The following PCSK2 variants were observed in gnomAD, a reference collection of about 807,000 sequenced individuals.
PCSK2 encodes proprotein convertase subtilisin/kexin type 2.
A neutral mutation model predicts 69.7 loss-of-function variants in PCSK2; 14 were observed. The observed-to-expected ratio is 0.20, with a 90% CI of 0.13 to 0.31. The LOEUF is 0.31. Among genes scored for constraint, PCSK2 ranks in the 10% least tolerant of loss-of-function variants. The pLI is 1.00. For missense variants in PCSK2, 544 were observed against 842.5 expected (o/e 0.65, Z 4.39); for synonymous variants, 307 against 320.7 (o/e 0.96, Z 0.46).
At chr20:17,404,062 C>T (rs73898504) in intron 5 of PCSK2, among the ~76,000 whole-genome samples, 5,165 of 152,234 alleles carry the variant, frequency 0.034, 308 homozygotes, top group African/African-American at 0.12. Flanking sequence ...TCTGGGCTGA[C>T]CAATTCTTTT....
intron 5 of PCSK2, among the ~76,000 whole-genome samples, chr20:17,385,183 A>T (rs964691699): frequency 1.3e-5 from 2 of 152,162 alleles, no homozygotes; most frequent in African/African-American, 4.8e-5. Flanking sequence ...TTACTATTTG[A>T]TCCTTTAAGA....
intron 7 of PCSK2, among the ~76,000 whole-genome samples, chr20:17,436,012 C>T (rs984328600): frequency 2.0e-5 from 3 of 152,188 alleles, no homozygotes; most frequent in Non-Finnish European, 4.4e-5. Flanking sequence ...GGACTTTGCT[C>T]CTTCCCAACA....
chr20:17,429,335 G>A lies in PCSK2; in HGVS notation c.621-100G>A, dbSNP rs911347000. The A allele has an allele frequency of 3.4e-5, 28 of 825,832 alleles. No homozygotes were observed. In the East Asian group the frequency reaches 4.6e-4, roughly 14 times the overall value. The allele number at this position is 825,832 out of a possible 1,614,324, so 51.2% of individuals were successfully genotyped here. On this transcript the variant is annotated intron_variant, in intron 6 of 11. Transcript: ENST00000262545. ...CACAGGGTTTACTTGTATATGATAC[G>A]CAGATTTCATTTTTGTTCCAAAGAG...
chr20:17,244,044 G>C (rs1006003319), intron 1 of PCSK2, among the ~76,000 whole-genome samples: 1 of 152,082 alleles, frequency 6.6e-6, no homozygotes, highest in African/African-American at 2.4e-5. Flanking sequence ...TCACATTAGA[G>C]TTAACTTTCT....
rs1166542327 is a variant in PCSK2, at chr20:17,249,253, T to C, written c.178-10987T>C. ...CGGGCGCGGTGGCTCACGCCTGTAA[T>C]CCCAGCACTTTGGGAGGCTGAGGCG... On this transcript the variant is annotated intron_variant, in intron 1 of 11. Coordinates refer to ENST00000262545, the MANE Select transcript of PCSK2 (RefSeq NM_002594.5). Among the ~76,000 whole-genome samples the C allele has an allele frequency of 3.9e-5, 6 of 152,300 alleles. No homozygotes were observed. The South Asian group carries it at 1.2e-3, about 32-fold the overall frequency.
chr20:17,434,363 C>T (rs2032441301), intron 7 of PCSK2, among the ~76,000 whole-genome samples: 1 of 95,432 alleles, frequency 1.0e-5, no homozygotes, highest in African/African-American at 4.4e-5. Flanking sequence ...CACGCTGAGC[C>T]TCTGTCTTGG....
rs1041773785 is a variant in PCSK2 at position 17,337,114 on chromosome 20, G to A, written c.283-21213G>A. ...AGGGGTTCCCTCAGGGAGCCAAAGG[G>A]CAGCAGATTGGAAATCACTCGCAAT... On this transcript the variant is annotated intron_variant, in intron 2 of 11. Transcript: ENST00000262545. Among the ~76,000 whole-genome samples the A allele has an allele frequency of 2.6e-5, 4 of 152,280 alleles. No individual in the cohort carries two copies. In the East Asian group the frequency reaches 5.8e-4, roughly 22 times the overall value.
At chr20:17,391,170 T>C (rs964888268) in intron 5 of PCSK2, among the ~76,000 whole-genome samples, 1 of 152,212 alleles carries the variant, frequency 6.6e-6, no homozygotes, top group Non-Finnish European at 1.5e-5. Flanking sequence ...ATAAACCTTA[T>C]CAAATTATTC....
At chr20:17,432,353 A>T (rs560691906) in intron 7 of PCSK2, among the ~76,000 whole-genome samples, 2 of 152,282 alleles carry the variant, frequency 1.3e-5, no homozygotes, top group Non-Finnish European at 2.9e-5. Context: ...AAACTCCGTG[A>T]CATGTAGACC....
At chr20:17,246,862 T>C (rs1273132867) in intron 1 of PCSK2, among the ~76,000 whole-genome samples, 1 of 152,122 alleles carries the variant, frequency 6.6e-6, no homozygotes, top group Non-Finnish European at 1.5e-5. Context: ...TGTTTTAGAT[T>C]AGACATAGTC....
At position 17,436,871 on chromosome 20, in the gene PCSK2, T is replaced by C. The variant is rs1477143662; in HGVS notation, c.873T>C (p.Asp291=). 8 of 1,610,668 alleles carry C rather than the reference T, an allele frequency of 5.0e-6. No homozygotes were observed. Among genetic ancestry groups the C allele is most frequent in the Non-Finnish European group, 6.8e-6 (8 of 1,178,684 alleles). ...PRELTLQAMA[D]GVNKGRGGKG... ...AGCTCACGCTGCAGGCCATGGCCGA[T>C]GGCGTGAACAAGGTAAGGGGGCCGG... is the stretch of plus-strand genomic sequence containing the variant. Residue 291 remains aspartate, a synonymous_variant, in exon 8 of 12, where the codon GAT becomes GAC. Coordinates refer to ENST00000262545, the MANE Select transcript of PCSK2 (RefSeq NM_002594.5).
chr20:17,462,612 C>T (rs902958025), intron 10 of PCSK2, among the ~76,000 whole-genome samples: 1 of 152,228 alleles, frequency 6.6e-6, no homozygotes, highest in Non-Finnish European at 1.5e-5. Flanking sequence ...CCTAGGCTAT[C>T]AGCTGGTGGG....
At chr20:17,347,425 T>C (rs528976995) in intron 2 of PCSK2, among the ~76,000 whole-genome samples, 18 of 152,238 alleles carry the variant, frequency 1.2e-4, no homozygotes, top group African/African-American at 4.1e-4. Context: ...CTGAGCCCCT[T>C]GGAGAGGCCT....
chr20:17,370,938 C>T (rs1228107052), intron 5 of PCSK2, among the ~76,000 whole-genome samples: 2 of 152,166 alleles, frequency 1.3e-5, no homozygotes, highest in Non-Finnish European at 1.5e-5. Flanking sequence ...CCTCCAGGGT[C>T]GGTGGTCCTC....
chr20:17,336,228 A>G (rs1258462296), intron 2 of PCSK2, among the ~76,000 whole-genome samples: 1 of 152,244 alleles, frequency 6.6e-6, no homozygotes, highest in Non-Finnish European at 1.5e-5. Context: ...GCAGGGAAAC[A>G]GGTTGCTGCC....
intron 6 of PCSK2, among the ~76,000 whole-genome samples, chr20:17,412,700 A>C (rs2031903778): frequency 6.6e-6 from 1 of 152,136 alleles, no homozygotes; most frequent in African/African-American, 2.4e-5. Flanking sequence ...GATACTCCTC[A>C]AGAAGAGGAA....
rs1400691228 is a variant in PCSK2 at position 17,291,690 on chromosome 20, T to C, written c.282+31346T>C. On this transcript the variant is annotated intron_variant, in intron 2 of 11. Coordinates refer to ENST00000262545, the MANE Select transcript of PCSK2 (RefSeq NM_002594.5). The stretch of plus-strand genomic sequence containing the variant: ...GTATAGAAGGTTTTTATTTTATCAG[T>C]TAGAAATTGTGTTTGGCTGCTAGGA... 2.6e-5 allele frequency among the ~76,000 whole-genome samples: 4 copies of C among 152,244 alleles called. No individual in the cohort carries two copies. In the East Asian group the frequency reaches 7.7e-4, roughly 29 times the overall value.
intron 2 of PCSK2, among the ~76,000 whole-genome samples, chr20:17,326,748 G>C (rs1337702699): frequency 6.6e-6 from 1 of 152,322 alleles, no homozygotes; most frequent in Admixed American, 6.5e-5. Context: ...ACAAATGACG[G>C]ATTTGTTATC....
chr20:17,236,659 T>C (rs989882847), intron 1 of PCSK2, among the ~76,000 whole-genome samples: 1 of 152,192 alleles, frequency 6.6e-6, no homozygotes, highest in African/African-American at 2.4e-5. Flanking sequence ...CAAGTCCTTT[T>C]ATCAGAACTT....
Sources: gnomAD v4.1 joint callset for allele counts (sites outside exome capture counted in the v4.1 genomes callset) on GRCh38, gnomAD v4.1.1 for gene constraint, MANE v1.5 for transcripts, NCBI Gene and HGNC (gene_info 2026-07-23, HGNC 2026-07-21) for gene names.